The following LAIR1 variants were observed in gnomAD, a reference collection of about 807,000 sequenced individuals.
LAIR1 encodes leukocyte associated immunoglobulin like receptor 1.
A neutral mutation model predicts 32.8 loss-of-function variants in LAIR1; 24 were observed. The observed-to-expected ratio is 0.73, with a 90% CI of 0.53 to 1.03. The LOEUF is 1.03. LAIR1 is among the 50% of genes least tolerant of loss of function. LAIR1 has a pLI of 0.00. For missense variants in LAIR1, 355 were observed against 347.5 expected (o/e 1.02, Z -0.17); for synonymous variants, 150 against 140.5 (o/e 1.07, Z -0.48).
At chr19:54,363,600 G>A (rs189015202) in intron 2 of LAIR1, among the ~76,000 whole-genome samples, 53 of 152,280 alleles carry the variant, frequency 3.5e-4, no homozygotes, top group Admixed American at 3.9e-4. Flanking sequence ...TATATGCAAT[G>A]GAATATTATT....
rs1187414313 is a variant in LAIR1, at chr19:54,354,883, G to A, written c.*385C>T. Reference sequence around the variant, plus strand: ...GCAGACACCTAGGACAAGCTTGGAGGTGGCATCACTGCTCAGGAAATCGGC... The same window carrying A: ...GCAGACACCTAGGACAAGCTTGGAGATGGCATCACTGCTCAGGAAATCGGC... On this transcript the variant is annotated 3_prime_UTR_variant, in exon 10 of 10. Coordinates refer to ENST00000391742, the MANE Select transcript of LAIR1 (RefSeq NM_002287.6). 2 of 184,374 alleles carry A rather than the reference G, an allele frequency of 1.1e-5. No homozygotes were observed. Among genetic ancestry groups the A allele is most frequent in the Admixed American group, 6.1e-5 (1 of 16,468 alleles). 11.4% of individuals were successfully genotyped at this position (184,374 alleles called of 1,614,324 possible).
chr19:54,356,681 C>T, intron 5 of LAIR1, 62 bp from the exon 6 acceptor site: 1 of 1,506,110 alleles, frequency 6.6e-7, no homozygotes, highest in Non-Finnish European at 9.2e-7. Flanking sequence ...CTGTATACCA[C>T]ACACACGTCA....
upstream of LAIR1, among the ~76,000 whole-genome samples, chr19:54,373,001 G>A (rs1308728286): frequency 6.6e-6 from 1 of 150,724 alleles, no homozygotes; most frequent in African/African-American, 2.5e-5. Context: ...ATAGTGGCGG[G>A]CGCCTGTAAT....
At chr19:54,361,677 G>A (rs1023552376) in intron 2 of LAIR1, among the ~76,000 whole-genome samples, 6 of 141,542 alleles carry the variant, frequency 4.2e-5, no homozygotes, top group African/African-American at 1.5e-4. Context: ...CTGAGTGTGG[G>A]ACGGGGGTTG....
chr19:54,356,071 C>T, intron 8 of LAIR1, 65 bp from the exon 9 acceptor site: 1 of 1,362,520 alleles, frequency 7.3e-7, no homozygotes, highest in Non-Finnish European at 1.1e-6. Context: ...TGCCTGAGAC[C>T]CCCACCCCCA....
chr19:54,356,476 G>T lies in LAIR1; in HGVS notation c.583+15C>A, dbSNP rs935196793. On this transcript the variant is annotated intron_variant, in intron 6 of 9. Coordinates refer to ENST00000391742, the MANE Select transcript of LAIR1 (RefSeq NM_002287.6). ...ACAGCTTCCCAGGTCACCCCACCCT[G>T]CCCCTGAGACCTACCCTGCTTTATC... 10 of 1,613,624 alleles carry T rather than the reference G, an allele frequency of 6.2e-6. No homozygotes were observed. In the Admixed American group the frequency reaches 6.7e-5, roughly 11 times the overall value.
chr19:54,372,228 A>G (rs2082422453), upstream of LAIR1, among the ~76,000 whole-genome samples: 2 of 151,604 alleles, frequency 1.3e-5, no homozygotes, highest in Non-Finnish European at 2.9e-5. Context: ...TGGCTGTACC[A>G]TTTGGCAATC....
chr19:54,373,376 G>A (rs189334525), upstream of LAIR1, among the ~76,000 whole-genome samples: 764 of 149,256 alleles, frequency 5.1e-3, 2 homozygotes, highest in Non-Finnish European at 8.3e-3. Flanking sequence ...CCCGGGAGGC[G>A]GAGCTTGCAG....
Position 54,364,885 on chromosome 19 carries a change from G to A in LAIR1, c.-81C>T. 6.2e-7 allele frequency: 1 copy of A among 1,612,874 alleles called. No individual in the cohort carries two copies. The highest frequency in any genetic ancestry group is 1.3e-5 in the African/African-American group (1 of 75,052). The stretch of plus-strand genomic sequence containing the variant: ...CTCTGCAGCAGACACAAGCAGACAG[G>A]ATGTGCTGCCCGGGGGCCTCCTGCC... On this transcript the variant is annotated 5_prime_UTR_variant, in exon 1 of 10. Transcript: ENST00000391742. This position sits in a 1 kb window ranked among gnomAD's most constrained non-coding sequence, Gnocchi z 4.8.
Position 54,364,905 on chromosome 19 carries a change from C to G in LAIR1, c.-101G>C. Reference sequence around the variant, plus strand: ...GACAGGATGTGCTGCCCGGGGGCCTCCTGCCTATGGGGCTTCCACAGCAAC... The same window carrying G: ...GACAGGATGTGCTGCCCGGGGGCCTGCTGCCTATGGGGCTTCCACAGCAAC... On this transcript the variant is annotated 5_prime_UTR_variant, in exon 1 of 10. Transcript: ENST00000391742. This position sits in a 1 kb window ranked among gnomAD's most constrained non-coding sequence, Gnocchi z 4.8. 1 of 1,606,356 alleles carries G rather than the reference C, an allele frequency of 6.2e-7. No individual in the cohort carries two copies. Among genetic ancestry groups the G allele is most frequent in the Non-Finnish European group, 8.5e-7 (1 of 1,176,164 alleles).
chr19:54,358,599 C>T (rs1250602050), intron 4 of LAIR1: 2 of 1,606,880 alleles, frequency 1.2e-6, no homozygotes, highest in South Asian at 1.1e-5. Flanking sequence ...GCATCAAATC[C>T]GGAGGCTTCA....
rs1046732742 is a variant in LAIR1, at chr19:54,364,917, G to A, written c.-113C>T. On this transcript the variant is annotated 5_prime_UTR_variant, in exon 1 of 10. Coordinates refer to ENST00000391742, the MANE Select transcript of LAIR1 (RefSeq NM_002287.6). This position sits in a 1 kb window ranked among gnomAD's most constrained non-coding sequence, Gnocchi z 4.8. ...TGCCCGGGGGCCTCCTGCCTATGGG[G>A]CTTCCACAGCAACTGCCTCACACAA... The A allele has an allele frequency of 1.9e-6, 3 of 1,595,698 alleles. No individual in the cohort carries two copies. Among genetic ancestry groups the A allele is most frequent in the Non-Finnish European group, 2.6e-6 (3 of 1,170,698 alleles).
chr19:54,357,205 C>T, intron 4 of LAIR1: 1 of 552,958 alleles, frequency 1.8e-6, no homozygotes, highest in Non-Finnish European at 3.2e-6. Context: ...AGTTGAATGG[C>T]ATGAGAAGCT....
At chr19:54,357,832 G>C (rs2122390834) in intron 4 of LAIR1, among the ~76,000 whole-genome samples, 1 of 151,842 alleles carries the variant, frequency 6.6e-6, no homozygotes, top group African/African-American at 2.4e-5. Flanking sequence ...CTTCCCTCCT[G>C]CCTCGTCCAC....
At chr19:54,369,904 C>T (rs1409486388), upstream of LAIR1, among the ~76,000 whole-genome samples, 10 of 150,498 alleles carry the variant, frequency 6.6e-5, no homozygotes, top group East Asian at 1.7e-3. Context: ...ATGTGGTCGC[C>T]GTAATGATCT....
rs980308793 is a variant in LAIR1, at chr19:54,352,914, T to A, written c.*2354A>T. The stretch of plus-strand genomic sequence containing the variant: ...TGGCTCATGCCTGTAATCCCAGGAC[T>A]TTGGGAGGCTGAGGTGGGCAGATCA... On this transcript the variant is annotated 3_prime_UTR_variant, in exon 10 of 10. Coordinates refer to ENST00000391742, the MANE Select transcript of LAIR1 (RefSeq NM_002287.6). The A allele has an allele frequency of 6.6e-6, 1 of 152,010 alleles. No homozygotes were observed. Among genetic ancestry groups the A allele is most frequent in the Non-Finnish European group, 1.5e-5 (1 of 68,016 alleles). The allele number at this position is 152,010 out of a possible 1,614,324, so 9.4% of individuals were successfully genotyped here.
In LAIR1 at chr19:54,364,368, C is replaced by A. The variant is rs1451762715; in HGVS notation, c.35-38G>T. On this transcript the variant is annotated intron_variant, in intron 1 of 9. Coordinates refer to ENST00000391742, the MANE Select transcript of LAIR1 (RefSeq NM_002287.6). This position sits in a 1 kb window ranked among gnomAD's most constrained non-coding sequence, Gnocchi z 4.8. ...CCCCAGTGAGAAAAATGCCCAGTGC[C>A]CAGTCTCCTTACGGGGCTGCTGTCA... is the stretch of plus-strand genomic sequence containing the variant. 3.1e-6 allele frequency: 5 copies of A among 1,613,818 alleles called. No individual in the cohort carries two copies. Among genetic ancestry groups the A allele is most frequent in the Non-Finnish European group, 4.2e-6 (5 of 1,179,798 alleles).
At chr19:54,373,627 C>G (rs2082456833), upstream of LAIR1, among the ~76,000 whole-genome samples, 1 of 151,766 alleles carries the variant, frequency 6.6e-6, no homozygotes, top group Non-Finnish European at 1.5e-5. Flanking sequence ...TATTTCACGA[C>G]TATTGTGAGA....
chr19:54,355,723 C>G lies in LAIR1; in HGVS notation c.717+231G>C, dbSNP rs1472630336. On this transcript the variant is annotated intron_variant, in intron 9 of 9. Coordinates refer to ENST00000391742, the MANE Select transcript of LAIR1 (RefSeq NM_002287.6). This position sits in a 1 kb window ranked among gnomAD's most constrained non-coding sequence, Gnocchi z 4.7. The stretch of plus-strand genomic sequence containing the variant: ...TGTGGAGAGGCCCCTGTGAGAGGAA[C>G]AGAGGTTTCCTGCCCACAGCCGGGG... Among the ~76,000 whole-genome samples the G allele has an allele frequency of 6.6e-6, 1 of 152,150 alleles. No homozygotes were observed. Among genetic ancestry groups the G allele is most frequent in the Non-Finnish European group, 1.5e-5 (1 of 68,032 alleles).
Sources: allele counts gnomAD v4.1 joint callset (sites outside exome capture counted in the v4.1 genomes callset), GRCh38; gene constraint gnomAD v4.1.1; non-coding constraint Gnocchi (gnomAD v3.1); transcripts MANE v1.5; gene names NCBI Gene and HGNC (gene_info 2026-07-23, HGNC 2026-07-21).